The following CSMD1 variants were observed in gnomAD, a reference collection of about 807,000 sequenced individuals.
CSMD1 encodes the protein CUB and Sushi multiple domains 1.
CSMD1 carries 213 observed loss-of-function variants against 417.5 expected under a neutral mutation model. The ratio of observed to expected loss-of-function variants is 0.51; its 90% CI spans 0.46 to 0.57. The LOEUF (loss-of-function observed/expected upper bound fraction) is 0.57, where lower values mean the gene tolerates loss of function less well. Ranked by LOEUF, CSMD1 falls within the 20% of genes least tolerant of loss-of-function variation. CSMD1 has a pLI of 0.00. For missense variants in CSMD1, 6,923 were observed against 4,529.7 expected (o/e 1.53, Z -15.17); for synonymous variants, 2,862 against 1,736.8 (o/e 1.65, Z -16.11).
chr8:4,171,798 C>G (rs1193781189), intron 3 of CSMD1, among the ~76,000 whole-genome samples: 1 of 152,076 alleles, frequency 6.6e-6, no homozygotes, highest in African/African-American at 2.4e-5. Context: ...TGAGTAACTT[C>G]ATTCATTAGA....
chr8:4,289,647 G>C (rs76608372), intron 3 of CSMD1, among the ~76,000 whole-genome samples: 1 of 152,120 alleles, frequency 6.6e-6, no homozygotes, highest in African/African-American at 2.4e-5. Context: ...TAGAGCAGCT[G>C]TCCATGGTCC....
At chr8:4,352,685 C>T (rs970747005) in intron 3 of CSMD1, among the ~76,000 whole-genome samples, 6 of 152,156 alleles carry the variant, frequency 3.9e-5, no homozygotes, top group South Asian at 2.1e-4. Flanking sequence ...AAAACGTATG[C>T]ATTTTAAGTT....
chr8:4,224,970 G>C (rs1010076876), intron 3 of CSMD1, among the ~76,000 whole-genome samples: 7 of 152,096 alleles, frequency 4.6e-5, no homozygotes, highest in Non-Finnish European at 1.0e-4. Flanking sequence ...AAATTAGTTG[G>C]GCGTGGTGCC....
intron 6 of CSMD1, among the ~76,000 whole-genome samples, chr8:3,744,985 A>G (rs1796996516): frequency 6.6e-6 from 1 of 152,162 alleles, no homozygotes; most frequent in Non-Finnish European, 1.5e-5. Context: ...TAAAGCCTAG[A>G]GTAGCTGGGG....
chr8:2,994,454 G>A (rs1378685215), intron 54 of CSMD1, among the ~76,000 whole-genome samples: 1 of 152,154 alleles, frequency 6.6e-6, no homozygotes, highest in Non-Finnish European at 1.5e-5. Flanking sequence ...GGACAACTCA[G>A]CCGGGGCAGT....
intron 3 of CSMD1, among the ~76,000 whole-genome samples, chr8:4,042,211 G>T (rs963670483): frequency 2.6e-5 from 4 of 152,092 alleles, no homozygotes; most frequent in African/African-American, 7.2e-5. Context: ...AGAACATGAA[G>T]AGCACCATAT....
chr8:3,725,370 C>T (rs146609451), intron 6 of CSMD1, among the ~76,000 whole-genome samples: 58 of 152,242 alleles, frequency 3.8e-4, no homozygotes, highest in Admixed American at 2.0e-3. Flanking sequence ...GACAAAGAAC[C>T]TGGATGACCA....
intron 7 of CSMD1, among the ~76,000 whole-genome samples, chr8:3,680,051 T>G (rs1356358543): frequency 6.6e-6 from 1 of 150,532 alleles, no homozygotes; most frequent in Non-Finnish European, 1.5e-5. Context: ...TAGAGGAAAA[T>G]TTATAACACT....
At chr8:4,879,294 A>T (rs559279665) in intron 1 of CSMD1, among the ~76,000 whole-genome samples, 1 of 151,944 alleles carries the variant, frequency 6.6e-6, no homozygotes, top group African/African-American at 2.4e-5. Context: ...ATTTGTGTTT[A>T]TTGGCTATAT....
At chr8:4,025,616 C>A (rs1295447909) in intron 4 of CSMD1, among the ~76,000 whole-genome samples, 1 of 152,092 alleles carries the variant, frequency 6.6e-6, no homozygotes, top group Non-Finnish European at 1.5e-5. Flanking sequence ...ACTGGCAGAA[C>A]ATGCCAATAA....
At chr8:3,711,113 A>G (rs1317238184) in intron 6 of CSMD1, among the ~76,000 whole-genome samples, 1 of 152,198 alleles carries the variant, frequency 6.6e-6, no homozygotes, top group African/African-American at 2.4e-5. Flanking sequence ...ATTTTCCCCA[A>G]AAGACAGCAC....
chr8:3,898,278 C>T (rs952419444), intron 5 of CSMD1, among the ~76,000 whole-genome samples: 1 of 151,422 alleles, frequency 6.6e-6, no homozygotes, highest in Admixed American at 6.6e-5. Flanking sequence ...TGAATACAAC[C>T]AAAAAAAACC....
At chr8:3,848,546 CA>C (rs1362028298) in intron 5 of CSMD1, among the ~76,000 whole-genome samples, 1 of 152,212 alleles carries the variant, frequency 6.6e-6, no homozygotes, top group South Asian at 2.1e-4. Context: ...TACTCAATAC[CA>C]CTTTAATTTC....
intron 33 of CSMD1, among the ~76,000 whole-genome samples, chr8:3,193,353 G>C (rs1170460439): frequency 6.6e-6 from 1 of 152,136 alleles, no homozygotes; most frequent in East Asian, 1.9e-4. Context: ...GTTTTTTAGA[G>C]GAAGAAGTTT....
intron 7 of CSMD1, among the ~76,000 whole-genome samples, chr8:3,618,323 C>A (rs1408848294): frequency 6.6e-6 from 1 of 152,052 alleles, no homozygotes; most frequent in Non-Finnish European, 1.5e-5. Context: ...TCTTTTACTA[C>A]TAAATGAGAA....
intron 8 of CSMD1, among the ~76,000 whole-genome samples, chr8:3,588,534 G>A (rs559840960): frequency 5.9e-5 from 9 of 152,186 alleles, no homozygotes; most frequent in East Asian, 5.8e-4. Flanking sequence ...ATATTTCAAC[G>A]ACTGCAGCAC....
At chr8:3,775,022 A>G (rs1012677551) in intron 5 of CSMD1, among the ~76,000 whole-genome samples, 10 of 152,260 alleles carry the variant, frequency 6.6e-5, no homozygotes, top group Admixed American at 3.3e-4. Flanking sequence ...AGCAGGATAC[A>G]GGAGATTTCA....
At chr8:3,314,752 A>C (rs1405323163) in intron 23 of CSMD1, among the ~76,000 whole-genome samples, 2 of 152,050 alleles carry the variant, frequency 1.3e-5, no homozygotes, top group Non-Finnish European at 2.9e-5. Flanking sequence ...AATCCTATGT[A>C]TCTTCTAACA....
intron 3 of CSMD1, among the ~76,000 whole-genome samples, chr8:4,217,683 T>C (rs1283208818): frequency 6.6e-6 from 1 of 151,876 alleles, no homozygotes; most frequent in Non-Finnish European, 1.5e-5. Context: ...TAGGAGCTAA[T>C]TTTGTTGTCT....
Sources: gnomAD v4.1 joint callset for allele counts (sites outside exome capture counted in the v4.1 genomes callset) on GRCh38, gnomAD v4.1.1 for gene constraint, MANE v1.5 for transcripts, NCBI Gene and HGNC (gene_info 2026-07-23, HGNC 2026-07-21) for gene names.